Variants in PRKAG2 observed in about 807,000 individuals in gnomAD.
PRKAG2 encodes protein kinase AMP-activated non-catalytic subunit gamma 2.
PRKAG2 carries 26 observed loss-of-function variants against 69.6 expected under a neutral mutation model. The ratio of observed to expected loss-of-function variants is 0.37; its 90% CI spans 0.27 to 0.52. PRKAG2 has a LOEUF of 0.52. Ranked by LOEUF, PRKAG2 falls within the 20% of genes least tolerant of loss-of-function variation. PRKAG2 has a pLI of 0.90. For missense variants in PRKAG2, 557 were observed against 740.0 expected, an observed-to-expected ratio of 0.75 and a Z score of 2.87; for synonymous variants, 293 against 285.0, an observed-to-expected ratio of 1.03 and a Z score of -0.28.
chr7:151,876,427 G>T, intron 1 of PRKAG2, 80 bp downstream of exon 1: 1 of 1,390,958 alleles, frequency 7.2e-7, no homozygotes, highest in Non-Finnish European at 1.0e-6. Flanking sequence ...CGCGCGGGGC[G>T]TCCAGCGTTA....
intron 1 of PRKAG2, among the ~76,000 whole-genome samples, chr7:151,789,910 C>T (rs2077193933): frequency 6.6e-6 from 1 of 152,198 alleles, no homozygotes; most frequent in African/African-American, 2.4e-5. Context: ...CCTCCGCAGC[C>T]TTATTTCTGA....
intron 5 of PRKAG2, among the ~76,000 whole-genome samples, chr7:151,618,029 A>G (rs1272872065): frequency 6.6e-6 from 1 of 152,144 alleles, no homozygotes; most frequent in African/African-American, 2.4e-5. Context: ...AAAAAATTAA[A>G]CTCATAAGTT....
chr7:151,859,262 G>A (rs964102025), intron 1 of PRKAG2, among the ~76,000 whole-genome samples: 1 of 152,256 alleles, frequency 6.6e-6, no homozygotes, highest in Non-Finnish European at 1.5e-5. Context: ...GGCGTCAGAC[G>A]GGGCGGGGCG....
At chr7:151,862,482 G>T (rs1194814791) in intron 1 of PRKAG2, among the ~76,000 whole-genome samples, 1 of 152,092 alleles carries the variant, frequency 6.6e-6, no homozygotes, top group Non-Finnish European at 1.5e-5. Context: ...TCTCAAAGAC[G>T]GCCCCCATTT....
intron 3 of PRKAG2, among the ~76,000 whole-genome samples, chr7:151,734,848 CT>C (rs35008070): frequency 0.023 from 2,097 of 90,122 alleles, 22 homozygotes; most frequent in East Asian, 0.093. Flanking sequence ...AAATCTGATT[CT>C]TTTTTTTTTT....
At chr7:151,817,413 C>A (rs2078671789) in intron 1 of PRKAG2, among the ~76,000 whole-genome samples, 1 of 152,192 alleles carries the variant, frequency 6.6e-6, no homozygotes, top group Non-Finnish European at 1.5e-5. Context: ...AAAACAGAAC[C>A]AGAAAACCTT....
intron 6 of PRKAG2, among the ~76,000 whole-genome samples, chr7:151,593,514 T>C (rs1007894828): frequency 2.0e-5 from 3 of 152,126 alleles, no homozygotes; most frequent in Admixed American, 2.0e-4. Flanking sequence ...TATTTTTAAG[T>C]TGGTAGAAAT....
At chr7:151,624,075 C>A (rs2727565) in intron 5 of PRKAG2, among the ~76,000 whole-genome samples, 31,502 of 151,826 alleles carry the variant, frequency 0.21, 4,170 homozygotes, top group East Asian at 0.45. Flanking sequence ...TGTTCAGAAA[C>A]CTCATTGATG....
intron 1 of PRKAG2, among the ~76,000 whole-genome samples, chr7:151,800,882 G>T (rs4726097): frequency 6.6e-6 from 1 of 152,012 alleles, no homozygotes; most frequent in Non-Finnish European, 1.5e-5. Context: ...TGGTAACAGA[G>T]GTGCCACAGT....
chr7:151,575,676 T>C (rs1319184257), intron 7 of PRKAG2, among the ~76,000 whole-genome samples: 1 of 151,976 alleles, frequency 6.6e-6, no homozygotes, highest in Non-Finnish European at 1.5e-5. Flanking sequence ...GCGAGATGAG[T>C]GCGGGGCCCA....
chr7:151,656,605 T>C (rs1490032223), intron 4 of PRKAG2, among the ~76,000 whole-genome samples: 7 of 152,238 alleles, frequency 4.6e-5, no homozygotes, highest in Non-Finnish European at 8.8e-5. Flanking sequence ...TGCAAATATC[T>C]TAATCCAACA....
At chr7:151,743,959 G>A (rs1010330214) in intron 3 of PRKAG2, among the ~76,000 whole-genome samples, 1 of 152,212 alleles carries the variant, frequency 6.6e-6, no homozygotes, top group Non-Finnish European at 1.5e-5. Context: ...ACATCTGGAT[G>A]CTGCAAAACA....
At chr7:151,613,692 T>C (rs1819422506) in intron 5 of PRKAG2, among the ~76,000 whole-genome samples, 3 of 151,312 alleles carry the variant, frequency 2.0e-5, no homozygotes, top group African/African-American at 4.9e-5. Flanking sequence ...GTGATGGGGT[T>C]TCGCCACGTT....
intron 3 of PRKAG2, among the ~76,000 whole-genome samples, chr7:151,709,318 CGT>C (rs1022595578): frequency 2.0e-5 from 3 of 151,090 alleles, no homozygotes; most frequent in African/African-American, 4.9e-5. Flanking sequence ...CTGACAATGA[CGT>C]GTGACATTGA....
intron 4 of PRKAG2, among the ~76,000 whole-genome samples, chr7:151,657,677 C>G (rs1287341796): frequency 6.6e-6 from 1 of 152,142 alleles, no homozygotes; most frequent in Non-Finnish European, 1.5e-5. Context: ...TGGCCCATAA[C>G]AGGCATCAAC....
intron 5 of PRKAG2, among the ~76,000 whole-genome samples, chr7:151,615,403 T>C (rs561185602): frequency 3.3e-5 from 5 of 152,292 alleles, no homozygotes; most frequent in South Asian, 4.1e-4. Flanking sequence ...GGTAATGGGA[T>C]TGCTAGGTCA....
At chr7:151,787,019 G>C (rs2077043760) in intron 1 of PRKAG2, among the ~76,000 whole-genome samples, 1 of 152,142 alleles carries the variant, frequency 6.6e-6, no homozygotes, top group Admixed American at 6.5e-5. Flanking sequence ...TGACATCGTG[G>C]CCAAAACAGA....
chr7:151,670,042 ACAC>A (rs1222256555), intron 4 of PRKAG2, among the ~76,000 whole-genome samples: 1 of 148,906 alleles, frequency 6.7e-6, no homozygotes, highest in Non-Finnish European at 1.5e-5. Flanking sequence ...CTGCATGCAC[ACAC>A]ACCTGTGCAC....
intron 4 of PRKAG2, among the ~76,000 whole-genome samples, chr7:151,645,565 AGAT>A (rs1827424834): frequency 6.6e-6 from 1 of 152,228 alleles, no homozygotes. Context: ...TTACACAACT[AGAT>A]AATACAATGG....
Sources: allele counts gnomAD v4.1 joint callset (sites outside exome capture counted in the v4.1 genomes callset), GRCh38; gene constraint gnomAD v4.1.1; transcripts MANE v1.5; gene names NCBI Gene and HGNC (gene_info 2026-07-23, HGNC 2026-07-21).